Variants in DOCK3 observed in about 807,000 individuals in gnomAD.
DOCK3 encodes the protein dedicator of cytokinesis 3.
DOCK3 carries 60 observed loss-of-function variants against 265.6 expected under a neutral mutation model. The observed-to-expected ratio is 0.23, with a 90% CI of 0.18 to 0.28. DOCK3 has a LOEUF of 0.28. Ranked by LOEUF, DOCK3 falls within the 10% of genes least tolerant of loss-of-function variation. The pLI, the probability that DOCK3 is intolerant of heterozygous loss-of-function variation, is 1.00. For synonymous variants in DOCK3, 881 were observed against 938.0 expected (o/e 0.94, Z 1.11); for missense variants, 1,981 against 2,594.3 (o/e 0.76, Z 5.14).
At chr3:50,936,720 A>G (rs1575571568) in intron 5 of DOCK3, among the ~76,000 whole-genome samples, 2 of 152,212 alleles carry the variant, frequency 1.3e-5, no homozygotes, top group Non-Finnish European at 2.9e-5. Context: ...ATATGCTTCA[A>G]GAATGAATGG....
intron 14 of DOCK3, among the ~76,000 whole-genome samples, chr3:51,214,850 C>T (rs1322305344): frequency 6.6e-6 from 1 of 152,160 alleles, no homozygotes; most frequent in African/African-American, 2.4e-5. Flanking sequence ...CATTGACCCT[C>T]AACTGTGGTC....
intron 27 of DOCK3, among the ~76,000 whole-genome samples, chr3:51,281,855 A>G (rs2109010994): frequency 6.6e-6 from 1 of 152,266 alleles, no homozygotes; most frequent in East Asian, 1.9e-4. Context: ...CATTCCCCAG[A>G]GAGGAGTCTT....
chr3:50,818,836 G>A (rs2044242841), intron 2 of DOCK3, among the ~76,000 whole-genome samples: 2 of 152,176 alleles, frequency 1.3e-5, no homozygotes, highest in African/African-American at 4.8e-5. Context: ...GATGTTTGTT[G>A]TTTATTTAAT....
intron 30 of DOCK3, 58 bp downstream of exon 30, chr3:51,312,634 C>T (rs960358491): frequency 5.5e-6 from 8 of 1,459,864 alleles, no homozygotes; most frequent in Admixed American, 4.5e-5. Context: ...GGCTATGTTT[C>T]GTTGAGAGTT....
intron 1 of DOCK3, among the ~76,000 whole-genome samples, chr3:50,775,057 T>A (rs2041506752): frequency 6.6e-6 from 1 of 152,090 alleles, no homozygotes. Flanking sequence ...ATTTGCTTTG[T>A]ATTTTTTTAA....
At chr3:50,767,600 G>A (rs1003826460) in intron 1 of DOCK3, among the ~76,000 whole-genome samples, 45 of 152,084 alleles carry the variant, frequency 3.0e-4, no homozygotes, top group African/African-American at 7.0e-4. Flanking sequence ...TTGGCAATGC[G>A]GGCCCGTTTT....
rs201393873 is a variant in DOCK3, at chr3:51,366,606, G to T, written c.5293+3932G>T. On this transcript the variant is annotated intron_variant, in intron 49 of 52. Transcript: ENST00000266037. ...AGGGTGTCAATTTTAGATCTTTCCT[G>T]CTTTCTCTTGTGGGTATTTAGTGCT... Among the ~76,000 whole-genome samples the T allele has an allele frequency of 2.6e-5, 4 of 152,136 alleles. No individual in the cohort carries two copies. In the East Asian group the frequency reaches 7.7e-4, roughly 29 times the overall value.
chr3:51,313,752 C>T lies in DOCK3; in HGVS notation c.3253+850C>T, dbSNP rs956027866. ...CAAGTAGGATATGAAGTATTTCTGC[C>T]GGCGAGAGGGCCTTCTATTCATGAG... On this transcript the variant is annotated intron_variant, in intron 31 of 52. Transcript: ENST00000266037. 5.9e-5 allele frequency among the ~76,000 whole-genome samples: 9 copies of T among 152,264 alleles called. No individual in the cohort carries two copies. In the East Asian group the frequency reaches 9.6e-4, roughly 16 times the overall value.
At chr3:51,200,366 G>T (rs921978723) in intron 12 of DOCK3, among the ~76,000 whole-genome samples, 2 of 149,230 alleles carry the variant, frequency 1.3e-5, no homozygotes, top group Non-Finnish European at 3.0e-5. Context: ...GCCAAGGCTC[G>T]AGAACAACGT....
intron 6 of DOCK3, among the ~76,000 whole-genome samples, chr3:51,073,388 C>G (rs1006260006): frequency 3.9e-5 from 6 of 152,220 alleles, no homozygotes; most frequent in Non-Finnish European, 8.8e-5. Context: ...ACTCCGTGAA[C>G]ACTACTGCCT....
intron 12 of DOCK3, among the ~76,000 whole-genome samples, chr3:51,201,091 C>T (rs555922484): frequency 0.02 from 3,070 of 151,634 alleles, 113 homozygotes; most frequent in African/African-American, 0.07. Flanking sequence ...TAAAGACCAT[C>T]GAGACTAGGA....
intron 13 of DOCK3, 150 bp from the exon 14 acceptor site, chr3:51,213,972 C>A: frequency 9.6e-7 from 1 of 1,036,476 alleles, no homozygotes; most frequent in Non-Finnish European, 1.4e-6. Flanking sequence ...AATGTTTCTT[C>A]AAAATAACTT....
At chr3:51,247,721 G>GT (rs2078906170) in intron 22 of DOCK3, among the ~76,000 whole-genome samples, 6 of 152,150 alleles carry the variant, frequency 3.9e-5, no homozygotes, top group Admixed American at 3.9e-4. Context: ...TCATACAAAT[G>GT]CCTACTGAGC....
At chr3:51,255,855 C>G (rs1206846720) in intron 22 of DOCK3, among the ~76,000 whole-genome samples, 1 of 152,220 alleles carries the variant, frequency 6.6e-6, no homozygotes, top group Non-Finnish European at 1.5e-5. Context: ...TAGTCTGAAG[C>G]CTTCTTCACT....
intron 9 of DOCK3, among the ~76,000 whole-genome samples, chr3:51,130,216 A>G (rs1354076380): frequency 6.6e-6 from 1 of 152,250 alleles, no homozygotes; most frequent in African/African-American, 2.4e-5. Context: ...CACTGGATCT[A>G]AGCAGCATAA....
chr3:51,330,146 C>T lies in DOCK3; in HGVS notation c.3411C>T (p.Ala1137=), dbSNP rs746069809. 1.4e-5 allele frequency: 23 copies of T among 1,602,538 alleles called. No homozygotes were observed. The highest frequency in any genetic ancestry group is 8.6e-5 in the Admixed American group (5 of 58,302). Residue 1137 remains alanine (A), a synonymous_variant, in exon 33 of 53, where the codon GCC becomes GCT. Coordinates refer to ENST00000266037, the MANE Select transcript of DOCK3 (RefSeq NM_004947.5). The part of the protein sequence containing the change: ...RKNGNFKQVE[A]ELIDKLDSMV... ...TCTCTGCTTCCTTCTAGGTGGAGGC[C>T]GAGTTGATTGACAAGCTGGACAGCA...
intron 7 of DOCK3, among the ~76,000 whole-genome samples, chr3:51,088,225 T>C (rs1381247468): frequency 2.0e-5 from 3 of 152,278 alleles, no homozygotes; most frequent in African/African-American, 7.2e-5. Context: ...TGTGCATCTC[T>C]TGGAGATAGG....
chr3:51,022,257 C>A (rs958717982), intron 5 of DOCK3, among the ~76,000 whole-genome samples: 2 of 152,086 alleles, frequency 1.3e-5, no homozygotes, highest in Non-Finnish European at 2.9e-5. Context: ...TTTGTAGATT[C>A]TTCTGGAAGT....
chr3:50,771,764 T>A (rs938355277), intron 1 of DOCK3, among the ~76,000 whole-genome samples: 1 of 152,134 alleles, frequency 6.6e-6, no homozygotes, highest in African/African-American at 2.4e-5. Context: ...GGCAGGAGAA[T>A]GGCGTGAACC....
Sources: allele counts gnomAD v4.1 joint callset (sites outside exome capture counted in the v4.1 genomes callset), GRCh38; gene constraint gnomAD v4.1.1; transcripts MANE v1.5; gene names NCBI Gene and HGNC (gene_info 2026-07-23, HGNC 2026-07-21).